The following ING5 variants were observed in gnomAD, a reference collection of about 807,000 sequenced individuals.
ING5 encodes inhibitor of growth protein 5.
A neutral mutation model predicts 37.4 loss-of-function variants in ING5; 17 were observed. The observed-to-expected ratio is 0.45, with a 90% CI of 0.31 to 0.68. ING5 has a LOEUF of 0.68. ING5 is among the 30% of genes least tolerant of loss of function. The pLI, the probability that ING5 is intolerant of heterozygous loss-of-function variation, is 0.05. For missense variants in ING5, 233 were observed against 311.9 expected (o/e 0.75, Z 1.91); for synonymous variants, 123 against 116.6 (o/e 1.06, Z -0.36).
At chr2:241,724,457 G>A (rs905072746) in intron 7 of ING5, among the ~76,000 whole-genome samples, 9 of 152,290 alleles carry the variant, frequency 5.9e-5, no homozygotes, top group Admixed American at 2.0e-4. Context: ...TGCCTCCTGC[G>A]TGGGGAACCT....
chr2:241,687,072 G>A (rs555987144), upstream of ING5: 219 of 398,976 alleles, frequency 5.5e-4, 1 homozygote, highest in East Asian at 7.1e-3. Context: ...CGCTCCGGGA[G>A]GGGAGGTGAC....
At chr2:241,715,791 A>AT (rs71406480) in intron 5 of ING5, among the ~76,000 whole-genome samples, 3 of 145,490 alleles carry the variant, frequency 2.1e-5, no homozygotes, top group Non-Finnish European at 4.5e-5. Flanking sequence ...CTGACCTAGA[A>AT]TTTTTTTTTT....
chr2:241,697,341 A>G (rs1269328019), upstream of ING5, among the ~76,000 whole-genome samples: 1 of 150,248 alleles, frequency 6.7e-6, no homozygotes, highest in African/African-American at 2.5e-5. Flanking sequence ...AGGCTGAGGC[A>G]GGAGAATGGC....
upstream of ING5, chr2:241,702,023 C>G: frequency 7.5e-7 from 1 of 1,337,334 alleles, no homozygotes; most frequent in Non-Finnish European, 9.6e-7. Flanking sequence ...CCTCCCGCGG[C>G]ACCGCCCGCC....
chr2:241,710,867 T>G (rs960196374), intron 3 of ING5, among the ~76,000 whole-genome samples: 38 of 151,908 alleles, frequency 2.5e-4, no homozygotes, highest in Admixed American at 1.3e-4. Flanking sequence ...CCTGCCTCGG[T>G]CTCCCAGAGT....
intron 5 of ING5, 61 bp downstream of exon 5, chr2:241,712,132 G>T (rs1047775146): frequency 3.0e-6 from 4 of 1,314,786 alleles, no homozygotes; most frequent in Middle Eastern, 3.7e-4. Context: ...TATCCCGGAT[G>T]TAGGAACACT....
intron 5 of ING5, among the ~76,000 whole-genome samples, chr2:241,713,353 C>G (rs916288192): frequency 6.7e-6 from 1 of 148,600 alleles, no homozygotes; most frequent in Non-Finnish European, 1.5e-5. Flanking sequence ...CCATCACACC[C>G]GACCCAATTT....
chr2:241,724,930 G>C, intron 7 of ING5, 59 bp from the exon 8 acceptor site: 1 of 1,561,616 alleles, frequency 6.4e-7, no homozygotes. Flanking sequence ...CGGGCCCTGG[G>C]CACCCTGCGC....
chr2:241,699,009 T>C (rs1411627599), upstream of ING5, among the ~76,000 whole-genome samples: 2 of 144,260 alleles, frequency 1.4e-5, no homozygotes, highest in African/African-American at 5.5e-5. Context: ...ATTACAGGCG[T>C]GAGCCACCAC....
intron 2 of ING5, among the ~76,000 whole-genome samples, chr2:241,695,664 T>C (rs781442121): frequency 1.4e-4 from 22 of 151,928 alleles, no homozygotes; most frequent in Non-Finnish European, 2.8e-4. Context: ...CCAGCCTGGG[T>C]GACAGAGCAA....
At chr2:241,720,913 C>T in intron 5 of ING5, 2 of 985,636 alleles carry the variant, frequency 2.0e-6, no homozygotes, top group Middle Eastern at 1.0e-3. Context: ...GTGAGGCCTG[C>T]ACGGTGGCCT....
At chr2:241,709,488 C>T in intron 3 of ING5, 106 bp downstream of exon 3, 2 of 1,071,920 alleles carry the variant, frequency 1.9e-6, no homozygotes, top group South Asian at 3.2e-5. Context: ...AAGTGGAAGG[C>T]TGGCTTTGGT....
chr2:241,706,632 A>AG (rs997536293), intron 2 of ING5, among the ~76,000 whole-genome samples: 1 of 147,730 alleles, frequency 6.8e-6, no homozygotes, highest in African/African-American at 2.6e-5. Context: ...TCTCAAAAAA[A>AG]AAAAAAAAAA....
At chr2:241,697,095 AATAAT>A (rs1395522863), upstream of ING5, among the ~76,000 whole-genome samples, 3 of 150,860 alleles carry the variant, frequency 2.0e-5, no homozygotes, top group African/African-American at 4.9e-5. Context: ...AAATAATAAT[AATAAT>A]ATAATAATCA....
At chr2:241,702,123 C>A in intron 1 of ING5, 21 bp downstream of exon 1, 2 of 1,295,382 alleles carry the variant, frequency 1.5e-6, no homozygotes, top group South Asian at 2.0e-5. Flanking sequence ...CCCACGGGCC[C>A]CGCGCCCGCC....
intron 2 of ING5, among the ~76,000 whole-genome samples, chr2:241,692,191 G>A (rs1249411178): frequency 3.9e-5 from 6 of 152,292 alleles, no homozygotes; most frequent in African/African-American, 9.6e-5. Flanking sequence ...CTGGCGCCTC[G>A]TGCCTCAGAA....
chr2:241,721,440 C>T, intron 5 of ING5: 1 of 985,636 alleles, frequency 1.0e-6, no homozygotes, highest in Non-Finnish European at 1.2e-6. Flanking sequence ...GGTGGGCGCC[C>T]CTGTGCCAGA....
At chr2:241,704,886 G>A (rs917577746) in intron 2 of ING5, among the ~76,000 whole-genome samples, 162 bp downstream of exon 2, 3 of 152,178 alleles carry the variant, frequency 2.0e-5, no homozygotes, top group African/African-American at 7.2e-5. Context: ...AGTAGGTGTT[G>A]ATACTTTTGA....
At chr2:241,719,900 G>A (rs542959296) in intron 5 of ING5, 229 of 1,323,918 alleles carry the variant, frequency 1.7e-4, no homozygotes, top group Admixed American at 4.9e-4. Flanking sequence ...GGTGATCACC[G>A]ATGGCGACAG....
Sources: gnomAD v4.1 joint callset for allele counts (sites outside exome capture counted in the v4.1 genomes callset) on GRCh38, gnomAD v4.1.1 for gene constraint, MANE v1.5 for transcripts, NCBI Gene and HGNC (gene_info 2026-07-23, HGNC 2026-07-21) for gene names.